Variants in NCAPD3 observed in about 807,000 individuals in gnomAD.
The protein encoded by NCAPD3 is non-SMC condensin II complex subunit D3.
In NCAPD3, 105 loss-of-function variants were observed where a neutral mutation model predicts 182.9. The ratio of observed to expected loss-of-function variants is 0.57; its 90% CI spans 0.49 to 0.68. NCAPD3 has a LOEUF of 0.68. Ranked by LOEUF, NCAPD3 falls within the 30% of genes least tolerant of loss-of-function variation. NCAPD3 has a pLI of 0.00. For missense variants in NCAPD3, 1,944 were observed against 1,837.0 expected, an observed-to-expected ratio of 1.06 and a Z score of -1.07; for synonymous variants, 815 against 679.9, an observed-to-expected ratio of 1.20 and a Z score of -3.09.
intron 12 of NCAPD3, 73 bp downstream of exon 12, chr11:134,203,069 A>G: frequency 7.6e-7 from 1 of 1,314,072 alleles, no homozygotes; most frequent in Admixed American, 2.0e-5. Flanking sequence ...AGGAGGTAAG[A>G]AAAACATTTT....
In NCAPD3 at chr11:134,157,133, C is replaced by A. The variant is rs1306738692; in HGVS notation, c.4175-38G>T. 3.9e-6 allele frequency: 6 copies of A among 1,519,564 alleles called. No homozygotes were observed. The Admixed American group carries it at 7.1e-5, about 18-fold the overall frequency. The allele number at this position is 1,519,564 out of a possible 1,614,324, so 94.1% of individuals were successfully genotyped here. ...AGGTGCTGCTATCCAGAAATACCCC[C>A]AAACAATAACGAAGAGCAAAACAAC... On this transcript the variant is annotated intron_variant, in intron 31 of 34. Transcript: ENST00000534548.
At chr11:134,186,272 C>G (rs934672341) in intron 16 of NCAPD3, 1 of 149,720 alleles carries the variant, frequency 6.7e-6, no homozygotes, top group African/African-American at 2.6e-5. Context: ...TCACAGCTCT[C>G]TGTGTAGCCT....
chr11:134,184,663 A>G lies in NCAPD3; in HGVS notation c.2425T>C (p.Ser809Pro). 1 of 1,613,362 alleles carries G rather than the reference A, an allele frequency of 6.2e-7. No homozygotes were observed. Among genetic ancestry groups the G allele is most frequent in the African/African-American group, 1.3e-5 (1 of 75,010 alleles). Residue 809 changes from serine (S) to proline (P), a missense_variant, in exon 19 of 35, where the codon TCT (serine) becomes CCT (proline). Around this residue, in one of 3 missense-constraint regions of NCAPD3, gnomAD observed 1,803 missense variants for 1,674.6 expected, o/e 1.08. Coordinates refer to ENST00000534548, the MANE Select transcript of NCAPD3 (RefSeq NM_015261.3). ...VDALQRLCRA[S>P]AETPAEEQEL... The stretch of plus-strand genomic sequence containing the variant: ...TGCTCCTCTGCTGGTGTCTCTGCAG[A>G]TGCTCTACAAAGCCTCTGCAAGGCG...
chr11:134,181,929 G>C (rs571450816), intron 19 of NCAPD3, among the ~76,000 whole-genome samples: 228 of 152,308 alleles, frequency 1.5e-3, no homozygotes, highest in African/African-American at 5.1e-3. Flanking sequence ...GCCTTAGGAA[G>C]GGACCTGTGT....
intron 11 of NCAPD3, 39 bp from the exon 12 acceptor site, chr11:134,203,237 AT>A: frequency 7.3e-7 from 1 of 1,369,158 alleles, no homozygotes; most frequent in Non-Finnish European, 1.0e-6. Context: ...AGAAGTCAGT[AT>A]CATAAACTGA....
intron 27 of NCAPD3, among the ~76,000 whole-genome samples, chr11:134,162,915 C>T (rs1591823326): frequency 1.3e-5 from 2 of 152,072 alleles, no homozygotes; most frequent in South Asian, 4.1e-4. Flanking sequence ...AGATGGGATG[C>T]CTAAGGAGTG....
At position 134,194,641 on chromosome 11, in the gene NCAPD3, AAAAT is replaced by A. The variant is rs756427742; in HGVS notation, c.1689+20_1689+23del. On this transcript the variant is annotated intron_variant, in intron 14 of 34. Transcript: ENST00000534548. ...TCCAAGTTTTTAGTGCTTAAAAAAA[AAAAT>A]GTGCAGAGAAAACTCCCACCTGCAG... 7 of 1,543,478 alleles carry A rather than the reference AAAAT, an allele frequency of 4.5e-6. No homozygotes were observed. The South Asian group carries it at 8.4e-5, about 19-fold the overall frequency.
intron 7 of NCAPD3, among the ~76,000 whole-genome samples, chr11:134,208,526 T>C (rs1420894867): frequency 6.6e-6 from 1 of 152,188 alleles, no homozygotes. Flanking sequence ...AATATTCCTA[T>C]AGAAGTAAGT....
In NCAPD3 at chr11:134,209,440, A is replaced by G. The variant is rs112803017; in HGVS notation, c.605T>C (p.Ile202Thr). ...AGAAAGGTCCCGGGCAGAAAAACAA[A>G]TATTCTCATCTTCTTGTTCTTCTAT... ...EIIEEQEDEN[I>T]CFSARDLSQI... is the part of the protein sequence containing the mutation. The change falls in exon 5 of 35, where the codon ATT becomes ACT. Residue 202 changes from isoleucine (I) to threonine (T), a missense_variant. Coordinates refer to ENST00000534548, the MANE Select transcript of NCAPD3 (RefSeq NM_015261.3). The G allele has an allele frequency of 6.2e-6, 10 of 1,612,940 alleles. No homozygotes were observed. Among genetic ancestry groups the G allele is most frequent in the African/African-American group, 5.3e-5 (4 of 75,002 alleles).
At chr11:134,184,377 G>C (rs1944354492) in intron 19 of NCAPD3, among the ~76,000 whole-genome samples, 1 of 152,350 alleles carries the variant, frequency 6.6e-6, no homozygotes, top group East Asian at 1.9e-4. Flanking sequence ...ACAATCAACA[G>C]GAATGCTTAC....
At position 134,189,990 on chromosome 11, in the gene NCAPD3, A is replaced by G. The variant is rs1192155967; in HGVS notation, c.2045+2699T>C. Among the ~76,000 whole-genome samples, 21 of 152,172 alleles carry G rather than the reference A, an allele frequency of 1.4e-4. 2 individuals carry two copies. Among genetic ancestry groups the G allele is most frequent in the Admixed American group, 1.4e-3 (21 of 15,276 alleles). On this transcript the variant is annotated intron_variant, in intron 16 of 34. Coordinates refer to ENST00000534548, the MANE Select transcript of NCAPD3 (RefSeq NM_015261.3). ...GTTTTTATATCCAAAGATTTTGTCC[A>G]CTAACTATTAAATGGAAGTCATTTA...
In NCAPD3 at chr11:134,159,175, G is replaced by T. The variant is rs531474422; in HGVS notation, c.3868-680C>A. Among the ~76,000 whole-genome samples, 45 of 152,346 alleles carry T rather than the reference G, an allele frequency of 3.0e-4. 2 individuals are homozygous for T. The South Asian group carries it at 8.1e-3, about 27-fold the overall frequency. ...TGATTTCCTTTCTTTTGACTATACA[G>T]TCAGCAGCGAGGCTGCTGCCTCATA... On this transcript the variant is annotated intron_variant, in intron 29 of 34. Transcript: ENST00000534548.
chr11:134,203,919 G>A lies in NCAPD3; in HGVS notation c.1216-13C>T, dbSNP rs761710133. 5.0e-6 allele frequency: 8 copies of A among 1,610,552 alleles called. No individual in the cohort carries two copies. Among genetic ancestry groups the A allele is most frequent in the Non-Finnish European group, 6.8e-6 (8 of 1,177,418 alleles). On this transcript the variant is annotated splice_polypyrimidine_tract_variant and intron_variant, in intron 10 of 34. Transcript: ENST00000534548. ...CCCGGTGTGGGATCTGGTAAAGCAA[G>A]ATCATAAGAATTGCCATCAGATAGG...
intron 1 of NCAPD3, 30 bp downstream of exon 1, chr11:134,223,833 C>T (rs975998149): frequency 4.4e-6 from 7 of 1,606,150 alleles, no homozygotes; most frequent in African/African-American, 1.3e-5. Context: ...CTCGCCCTGG[C>T]CCCCGGGCCT....
At chr11:134,161,291 G>A (rs1466220566) in intron 28 of NCAPD3, among the ~76,000 whole-genome samples, 8 of 152,150 alleles carry the variant, frequency 5.3e-5, no homozygotes, top group South Asian at 2.1e-4. Context: ...GGTTTGCTCC[G>A]ACTGAGCTCC....
intron 16 of NCAPD3, among the ~76,000 whole-genome samples, chr11:134,191,429 C>A (rs943265985): frequency 6.6e-6 from 1 of 152,080 alleles, no homozygotes; most frequent in Non-Finnish European, 1.5e-5. Context: ...GGTGGTTACA[C>A]AGGCATACTC....
Position 134,151,211 on chromosome 11 carries a change from G to A in NCAPD3, c.*1733C>T, listed in dbSNP as rs1483360210. The A allele has an allele frequency of 6.6e-6, 1 of 152,212 alleles. No individual in the cohort carries two copies. The highest frequency in any genetic ancestry group is 1.5e-5 in the Non-Finnish European group (1 of 68,048). 9.4% of individuals were successfully genotyped at this position (152,212 alleles called of 1,614,324 possible). A position where few individuals can be genotyped will look rare whatever the true frequency, so the allele number is the denominator to read the frequency against. Reference sequence around the variant, plus strand: ...ACAGCTTTTTTTTAATTGCATACATGAGACTGTGTTGACTTTTTTTAGTTA... The same window carrying A: ...ACAGCTTTTTTTTAATTGCATACATAAGACTGTGTTGACTTTTTTTAGTTA... On this transcript the variant is annotated 3_prime_UTR_variant, in exon 35 of 35. Coordinates refer to ENST00000534548, the MANE Select transcript of NCAPD3 (RefSeq NM_015261.3).
chr11:134,209,126 G>A lies in NCAPD3; in HGVS notation c.794+19C>T. 4 of 1,607,908 alleles carry A rather than the reference G, an allele frequency of 2.5e-6. No homozygotes were observed. The highest frequency in any genetic ancestry group is 2.2e-5 in the South Asian group (2 of 90,056). On this transcript the variant is annotated intron_variant, in intron 6 of 34. Coordinates refer to ENST00000534548, the MANE Select transcript of NCAPD3 (RefSeq NM_015261.3). Reference sequence around the variant, plus strand: ...TACACTATACTTAAATTGTAGCACTGGAAGATTTAATGGCTCACCTGGCTT... The same window carrying A: ...TACACTATACTTAAATTGTAGCACTAGAAGATTTAATGGCTCACCTGGCTT...
At position 134,153,276 on chromosome 11, in the gene NCAPD3, A is replaced by AC; in HGVS notation, c.4327+12dup. ...AGTGCATCTATCAGCCCAGAAGGAC[A>AC]CCAAGAACTTGCCTTTGGCTGACGA... On this transcript the variant is annotated intron_variant, in intron 33 of 34. Transcript: ENST00000534548. The AC allele has an allele frequency of 1.2e-6, 2 of 1,614,130 alleles. No individual in the cohort carries two copies. Among genetic ancestry groups the AC allele is most frequent in the Middle Eastern group, 1.6e-4 (1 of 6,062 alleles).
Sources: gnomAD v4.1 joint callset for allele counts (sites outside exome capture counted in the v4.1 genomes callset) on GRCh38, gnomAD v4.1.1 for gene constraint, gnomAD v4.1.1 regional missense constraint, MANE v1.5 for transcripts, NCBI Gene and HGNC (gene_info 2026-07-23, HGNC 2026-07-21) for gene names.